Variants in PDZD8 observed in about 807,000 individuals in gnomAD.
The protein encoded by PDZD8 is PDZ domain-containing protein 8.
PDZD8 carries 14 observed loss-of-function variants against 85.8 expected under a neutral mutation model. That is an observed-to-expected ratio of 0.16 (90% CI 0.11 to 0.26). The LOEUF is 0.26. PDZD8 is among the 10% of genes least tolerant of loss of function. The probability of loss-of-function intolerance (pLI) is 1.00; values close to 1 mark genes in which losing one functional copy is unlikely to be tolerated. For missense variants in PDZD8, 1,197 were observed against 1,424.3 expected, an observed-to-expected ratio of 0.84 and a Z score of 2.57; for synonymous variants, 592 against 568.6, an observed-to-expected ratio of 1.04 and a Z score of -0.59.
At chr10:117,345,288 G>C (rs1844685541) in intron 1 of PDZD8, among the ~76,000 whole-genome samples, 1 of 152,158 alleles carries the variant, frequency 6.6e-6, no homozygotes, top group South Asian at 2.1e-4. Flanking sequence ...CATATCCTAG[G>C]CTGCAGGCTG....
intron 1 of PDZD8, among the ~76,000 whole-genome samples, chr10:117,363,479 AG>A (rs1564713670): frequency 6.6e-6 from 1 of 152,132 alleles, no homozygotes; most frequent in Non-Finnish European, 1.5e-5. Flanking sequence ...AAAAAACAAT[AG>A]TTATTTATAA....
At chr10:117,334,722 T>C (rs890586207) in intron 2 of PDZD8, among the ~76,000 whole-genome samples, 4 of 151,228 alleles carry the variant, frequency 2.6e-5, no homozygotes, top group Middle Eastern at 3.4e-3. Flanking sequence ...AGCCAAAAAG[T>C]ATAATAAATG....
intron 2 of PDZD8, among the ~76,000 whole-genome samples, chr10:117,339,496 A>G (rs1844573606): frequency 6.6e-6 from 1 of 152,230 alleles, no homozygotes; most frequent in Non-Finnish European, 1.5e-5. Flanking sequence ...GGGAATGGCA[A>G]ACTACAGCTT....
At chr10:117,351,251 C>T (rs966811832) in intron 1 of PDZD8, among the ~76,000 whole-genome samples, 1 of 152,152 alleles carries the variant, frequency 6.6e-6, no homozygotes, top group Non-Finnish European at 1.5e-5. Flanking sequence ...CAACACTACC[C>T]ATCAACAAAA....
rs915066364 is a variant in PDZD8 at position 117,365,441 on chromosome 10, G to A, written c.872+8915C>T. On this transcript the variant is annotated intron_variant, in intron 1 of 4. Transcript: ENST00000334464. Reference sequence around the variant, plus strand: ...AGAAAAATATGGAAGAATAGTTCCCGAATTTAACAATAGTTTTAAGAAAAG... The same window carrying A: ...AGAAAAATATGGAAGAATAGTTCCCAAATTTAACAATAGTTTTAAGAAAAG... Among the ~76,000 whole-genome samples the A allele has an allele frequency of 1.1e-4, 16 of 152,024 alleles. 1 individual carries two copies. Among genetic ancestry groups the A allele is most frequent in the Admixed American group, 5.9e-4 (9 of 15,254 alleles).
rs188257707 is a variant in PDZD8, at chr10:117,297,789, G to C, written c.1099-7441C>G. The stretch of plus-strand genomic sequence containing the variant: ...TATTCTCTATCTTGATGAAGGTAGA[G>C]GTTACATGATTGTATACAATTACCA... On this transcript the variant is annotated intron_variant, in intron 3 of 4. Coordinates refer to ENST00000334464, the MANE Select transcript of PDZD8 (RefSeq NM_173791.5). Among the ~76,000 whole-genome samples, 5 of 152,178 alleles carry C rather than the reference G, an allele frequency of 3.3e-5. No homozygotes were observed. The East Asian group carries it at 9.7e-4, about 29-fold the overall frequency.
intron 1 of PDZD8, among the ~76,000 whole-genome samples, chr10:117,351,324 A>G (rs1409490158): frequency 6.6e-6 from 1 of 152,238 alleles, no homozygotes; most frequent in East Asian, 1.9e-4. Context: ...TGAACAAACT[A>G]CATCTATATG....
chr10:117,292,274 C>T (rs564041735), intron 3 of PDZD8, among the ~76,000 whole-genome samples: 1 of 152,292 alleles, frequency 6.6e-6, no homozygotes, highest in Non-Finnish European at 1.5e-5. Context: ...CCCGCCAAAA[C>T]ACGTAATTTG....
At chr10:117,339,281 T>C (rs965779521) in intron 2 of PDZD8, among the ~76,000 whole-genome samples, 2 of 152,194 alleles carry the variant, frequency 1.3e-5, no homozygotes, top group Admixed American at 6.5e-5. Flanking sequence ...ATAAAAGTCA[T>C]ATGTACCAAG....
At position 117,284,290 on chromosome 10, in the gene PDZD8, GTTCTTT is replaced by G. The variant is rs1844618332; in HGVS notation, c.2437_2442del (p.Lys813_Glu814del). The G allele has an allele frequency of 6.2e-7, 1 of 1,613,738 alleles. No individual in the cohort carries two copies. The highest frequency in any genetic ancestry group is 8.5e-7 in the Non-Finnish European group (1 of 1,179,974). On this transcript the variant is annotated inframe_deletion, in exon 5 of 5. Transcript: ENST00000334464. ...ACAGAAACTTCTTCAACCAAATGGG[GTTCTTT>G]TTCTTTTTCTACGTTAGTAACTACA...
intron 3 of PDZD8, among the ~76,000 whole-genome samples, chr10:117,301,541 A>C (rs1446847907): frequency 1.3e-5 from 2 of 152,238 alleles, no homozygotes; most frequent in Admixed American, 1.3e-4. Context: ...AATATGTTAG[A>C]AATGTAACTT....
Position 117,283,552 on chromosome 10 carries a change from C to T in PDZD8, c.3181G>A (p.Glu1061Lys). The change falls in exon 5 of 5, where the codon GAA becomes AAA. Residue 1061 changes from glutamate (E) to lysine (K), a missense_variant. Transcript: ENST00000334464. ...TTCCTTGTATCAGTTGTCTCTTTTT[C>T]TTCTCTAACAAGGGAATTATTGTGT... Reference protein sequence around the residue: ...LEHNNSLVREEKETTDTRKKS... With the variant: ...LEHNNSLVREKKETTDTRKKS... 1 of 1,614,120 alleles carries T rather than the reference C, an allele frequency of 6.2e-7. No individual in the cohort carries two copies. Among genetic ancestry groups the T allele is most frequent in the Non-Finnish European group, 8.5e-7 (1 of 1,180,010 alleles).
intron 3 of PDZD8, among the ~76,000 whole-genome samples, chr10:117,309,277 T>A (rs1231567342): frequency 6.6e-6 from 1 of 152,034 alleles, no homozygotes; most frequent in Non-Finnish European, 1.5e-5. Context: ...ACTGTGAAAC[T>A]ACTTTGCTTT....
intron 3 of PDZD8, among the ~76,000 whole-genome samples, chr10:117,295,679 A>T (rs950029098): frequency 2.0e-5 from 3 of 152,218 alleles, no homozygotes; most frequent in African/African-American, 7.2e-5. Context: ...GCAATACATT[A>T]AAAAAGATAA....
intron 3 of PDZD8, among the ~76,000 whole-genome samples, chr10:117,299,433 T>C (rs1191937533): frequency 6.6e-6 from 1 of 152,192 alleles, no homozygotes; most frequent in Non-Finnish European, 1.5e-5. Flanking sequence ...ATTTCTCTTC[T>C]TCCTCAGGAA....
intron 1 of PDZD8, among the ~76,000 whole-genome samples, chr10:117,372,843 A>G (rs1845217527): frequency 6.6e-6 from 1 of 152,218 alleles, no homozygotes; most frequent in South Asian, 2.1e-4. Context: ...CATAATTGGT[A>G]AGGTACATCT....
rs1844556265 is a variant in PDZD8 at position 117,280,042 on chromosome 10, A to C, written c.*3226T>G. ...CAAATATTTCCAAATTGCTTTAAAAAAAATTCAGCTATACATTTAGAACTT... is the reference window on the plus strand; with the variant it reads ...CAAATATTTCCAAATTGCTTTAAAACAAATTCAGCTATACATTTAGAACTT... On this transcript the variant is annotated 3_prime_UTR_variant, in exon 5 of 5. Coordinates refer to ENST00000334464, the MANE Select transcript of PDZD8 (RefSeq NM_173791.5). 6.6e-6 allele frequency: 1 copy of C among 152,166 alleles called. No homozygotes were observed. 9.4% of individuals were successfully genotyped at this position (152,166 alleles called of 1,614,324 possible).
intron 1 of PDZD8, among the ~76,000 whole-genome samples, chr10:117,358,835 G>A (rs1180628702): frequency 6.6e-6 from 1 of 152,072 alleles, no homozygotes; most frequent in Admixed American, 6.6e-5. Flanking sequence ...TTCTCATAAG[G>A]CATCTGGCCC....
intron 1 of PDZD8, among the ~76,000 whole-genome samples, chr10:117,372,125 T>C (rs1845204510): frequency 6.6e-6 from 1 of 152,214 alleles, no homozygotes; most frequent in African/African-American, 2.4e-5. Flanking sequence ...ATATGCTCTG[T>C]GCAGCTGACT....
Sources: gnomAD v4.1 joint callset for allele counts (sites outside exome capture counted in the v4.1 genomes callset) on GRCh38, gnomAD v4.1.1 for gene constraint, MANE v1.5 for transcripts, NCBI Gene and HGNC (gene_info 2026-07-23, HGNC 2026-07-21) for gene names.